GMDS: variants seen among roughly 807,000 people sequenced by gnomAD.
GMDS encodes GDP-mannose 4,6-dehydratase.
In GMDS, 20 loss-of-function variants were observed where a neutral mutation model predicts 49.9. The observed-to-expected ratio is 0.40, with a 90% CI of 0.28 to 0.58. The LOEUF (loss-of-function observed/expected upper bound fraction) is 0.58. Among genes scored for constraint, GMDS ranks in the 20% least tolerant of loss-of-function variants. The probability of loss-of-function intolerance (pLI) is 0.42; values close to 1 mark genes in which losing one functional copy is unlikely to be tolerated. For missense variants in GMDS, 362 were observed against 481.4 expected, an observed-to-expected ratio of 0.75 and a Z score of 2.32; for synonymous variants, 177 against 178.6, an observed-to-expected ratio of 0.99 and a Z score of 0.07.
chr6:1,665,039 G>A (rs564496208), intron 9 of GMDS, among the ~76,000 whole-genome samples: 1 of 152,314 alleles, frequency 6.6e-6, no homozygotes, highest in South Asian at 2.1e-4. Context: ...ATGACTGGTG[G>A]AAGTGGCAGT....
chr6:1,698,657 C>T (rs1765431565), intron 9 of GMDS, among the ~76,000 whole-genome samples: 1 of 152,136 alleles, frequency 6.6e-6, no homozygotes, highest in Non-Finnish European at 1.5e-5. Flanking sequence ...TCTCAGAGTG[C>T]AGCACAGCCC....
chr6:1,829,322 C>T (rs1039330617), intron 7 of GMDS, among the ~76,000 whole-genome samples: 40 of 152,020 alleles, frequency 2.6e-4, no homozygotes, highest in African/African-American at 7.5e-4. Flanking sequence ...TGAACGTGTG[C>T]GTATGTGTAT....
chr6:1,859,533 C>A (rs761054023), intron 7 of GMDS, among the ~76,000 whole-genome samples: 8 of 152,210 alleles, frequency 5.3e-5, no homozygotes, highest in Non-Finnish European at 7.4e-5. Context: ...TGATGCTGCA[C>A]TTCAAACCTT....
In GMDS at chr6:1,742,558, T is replaced by A; in HGVS notation, c.800A>T (p.Glu267Val). ...EAMWLMLQND[E>V]PEDFVIATGE... ...AGTAGCTATAACGAAGTCCTCCGGC[T>A]CATCATTCTGCAACATCAACCACAT... The change falls in exon 8 of 11, where the codon GAG (glutamate) becomes GTG (valine). Residue 267 changes from glutamate to valine, a missense_variant. By Grantham distance (121) the Glu-to-Val change is moderately radical. Transcript: ENST00000380815. 6.2e-7 allele frequency: 1 copy of A among 1,609,654 alleles called. No homozygotes were observed. Among genetic ancestry groups the A allele is most frequent in the Non-Finnish European group, 8.5e-7 (1 of 1,175,990 alleles).
At chr6:1,867,624 GT>G (rs2113796590) in intron 7 of GMDS, among the ~76,000 whole-genome samples, 1 of 152,324 alleles carries the variant, frequency 6.6e-6, no homozygotes, top group South Asian at 2.1e-4. Context: ...AGAAGGTCCT[GT>G]CACAGGGATC....
intron 6 of GMDS, among the ~76,000 whole-genome samples, chr6:1,958,571 T>C (rs972372191): frequency 1.3e-5 from 2 of 152,228 alleles, no homozygotes; most frequent in Non-Finnish European, 2.9e-5. Flanking sequence ...GCTAGGTTCT[T>C]ATGCTTTAAC....
chr6:1,959,807 T>C (rs1763839378), intron 6 of GMDS, 60 bp downstream of exon 6: 11 of 976,284 alleles, frequency 1.1e-5, no homozygotes, highest in Middle Eastern at 4.2e-4. Flanking sequence ...CAAATAGACA[T>C]GCAACTTGTT....
chr6:1,625,021 C>T (rs1762810058), intron 9 of GMDS: 1 of 152,482 alleles, frequency 6.6e-6, no homozygotes, highest in African/African-American at 2.4e-5. Flanking sequence ...GCGCGTCCTA[C>T]CCAAAGCCAC....
chr6:1,756,946 A>ACT (rs559251159), intron 7 of GMDS, among the ~76,000 whole-genome samples: 63 of 151,236 alleles, frequency 4.2e-4, no homozygotes, highest in Admixed American at 1.5e-3. Context: ...GGGGAAACAG[A>ACT]CTCTCCCCCT....
chr6:2,052,490 G>A (rs1014201309), intron 4 of GMDS, among the ~76,000 whole-genome samples: 1 of 152,166 alleles, frequency 6.6e-6, no homozygotes, highest in Non-Finnish European at 1.5e-5. Context: ...GGTCCTGAAG[G>A]CAAAGAGAAT....
At chr6:1,887,216 C>T (rs1270129428) in intron 7 of GMDS, among the ~76,000 whole-genome samples, 1 of 151,992 alleles carries the variant, frequency 6.6e-6, no homozygotes, top group Non-Finnish European at 1.5e-5. Context: ...ATATCATTAC[C>T]ACTTTAGAGA....
At chr6:2,181,713 T>C (rs1363568213) in intron 1 of GMDS, among the ~76,000 whole-genome samples, 5 of 152,262 alleles carry the variant, frequency 3.3e-5, no homozygotes, top group East Asian at 1.9e-4. Flanking sequence ...CCATACAAAA[T>C]GGTAAATGTA....
At chr6:2,240,059 A>C (rs1271226372) in intron 1 of GMDS, among the ~76,000 whole-genome samples, 1 of 152,202 alleles carries the variant, frequency 6.6e-6, no homozygotes, top group Non-Finnish European at 1.5e-5. Flanking sequence ...TTTAGAATGG[A>C]AGTCACTGCC....
chr6:1,907,882 C>T (rs915284012), intron 7 of GMDS, among the ~76,000 whole-genome samples: 4 of 152,198 alleles, frequency 2.6e-5, no homozygotes, highest in African/African-American at 9.7e-5. Flanking sequence ...CCGGTGGATA[C>T]CTGAAATTGC....
chr6:1,972,941 C>T (rs1764701499), intron 4 of GMDS, among the ~76,000 whole-genome samples: 1 of 152,124 alleles, frequency 6.6e-6, no homozygotes, highest in African/African-American at 2.4e-5. Context: ...CTGAGAATAT[C>T]CATACACTTC....
intron 9 of GMDS, among the ~76,000 whole-genome samples, chr6:1,690,349 C>T (rs78095520): frequency 0.01 from 1,541 of 152,128 alleles, 8 homozygotes; most frequent in Non-Finnish European, 0.017. Context: ...TTTTATAGTT[C>T]GAGATTTTAC....
At chr6:2,182,686 C>G (rs1198566169) in intron 1 of GMDS, among the ~76,000 whole-genome samples, 1 of 152,208 alleles carries the variant, frequency 6.6e-6, no homozygotes, top group Non-Finnish European at 1.5e-5. Context: ...TTTAAGCACA[C>G]TATTGAGACC....
intron 9 of GMDS, among the ~76,000 whole-genome samples, chr6:1,685,262 G>T (rs948645487): frequency 5.9e-5 from 9 of 152,058 alleles, no homozygotes; most frequent in Non-Finnish European, 1.3e-4. Context: ...TTAGCCCAGT[G>T]TGGTGGTACA....
intron 7 of GMDS, among the ~76,000 whole-genome samples, chr6:1,879,587 T>G (rs1414712980): frequency 6.6e-6 from 1 of 152,138 alleles, no homozygotes; most frequent in Non-Finnish European, 1.5e-5. Context: ...ACCAAAGGTT[T>G]TTTTTTTTTT....
Sources: allele counts gnomAD v4.1 joint callset (sites outside exome capture counted in the v4.1 genomes callset), GRCh38; gene constraint gnomAD v4.1.1; transcripts MANE v1.5; gene names NCBI Gene and HGNC (gene_info 2026-07-23, HGNC 2026-07-21).